The following HBB variants were observed in gnomAD, a reference collection of about 807,000 sequenced individuals.
HBB encodes the protein Hb Monza protein.
HBB carries 18 observed loss-of-function variants against 9.7 expected under a neutral mutation model. The ratio of observed to expected loss-of-function variants is 1.86; its 90% CI spans 1.28 to 2.76. HBB has a LOEUF of 2.76. Ranked by LOEUF, HBB falls within the 30% of genes most tolerant of loss-of-function variation. HBB has a pLI of 0.00. For missense variants in HBB, 156 were observed against 177.0 expected (o/e 0.88, Z 0.67); for synonymous variants, 99 against 73.6 (o/e 1.35, Z -1.77).
chr11:5,225,537 A>C lies in HBB; in HGVS notation c.*61T>G. On this transcript the variant is annotated 3_prime_UTR_variant, in exon 3 of 3. Coordinates refer to ENST00000335295, the MANE Select transcript of HBB (RefSeq NM_000518.5). Reference sequence around the variant, plus strand: ...GGCCCTTCATAATATCCCCCAGTTTAGTAGTTGGACTTAGGGAACAAAGGA... The same window carrying C: ...GGCCCTTCATAATATCCCCCAGTTTCGTAGTTGGACTTAGGGAACAAAGGA... 1 of 1,532,538 alleles carries C rather than the reference A, an allele frequency of 6.5e-7. No individual in the cohort carries two copies. The highest frequency in any genetic ancestry group is 9.0e-7 in the Non-Finnish European group (1 of 1,105,612). The allele number at this position is 1,532,538 out of a possible 1,614,324, so 94.9% of individuals were successfully genotyped here.
chr11:5,226,616 C>A lies in HBB; in HGVS notation c.276G>T (p.Leu92=). 1 of 1,614,114 alleles carries A rather than the reference C, an allele frequency of 6.2e-7. No individual in the cohort carries two copies. ...LKGTFATLSE[L]HCDKLHVDPE... ...GATCCACGTGCAGCTTGTCACAGTG[C>A]AGCTCACTCAGTGTGGCAAAGGTGC... Residue 92 remains leucine, a synonymous_variant, in exon 2 of 3, where the codon CTG becomes CTT. Coordinates refer to ENST00000335295, the MANE Select transcript of HBB (RefSeq NM_000518.5).
At position 5,226,906 on chromosome 11, in the gene HBB, C is replaced by G. The variant is rs1847578084; in HGVS notation, c.92+24G>C. On this transcript the variant is annotated intron_variant, in intron 1 of 2. Transcript: ENST00000335295. ...CCAGTTTCTATTGGTCTCCTTAAAC[C>G]TGTCTTGTAACCTTGATACCAACCT... The G allele has an allele frequency of 6.2e-7, 1 of 1,606,748 alleles. No homozygotes were observed. Among genetic ancestry groups the G allele is most frequent in the Non-Finnish European group, 8.5e-7 (1 of 1,173,292 alleles).
At position 5,226,658 on chromosome 11, in the gene HBB, G is replaced by T; in HGVS notation, c.234C>A (p.His78Gln). The change falls in exon 2 of 3, where the codon CAC becomes CAA. Residue 78 changes from histidine (H) to glutamine (Q), a missense_variant. Physicochemically the swap from His to Gln is conservative, Grantham distance 24. Transcript: ENST00000335295. Reference protein sequence around the residue: ...VLGAFSDGLAHLDNLKGTFAT... With the variant: ...VLGAFSDGLAQLDNLKGTFAT... ...CAAAGGTGCCCTTGAGGTTGTCCAG[G>T]TGAGCCAGGCCATCACTAAAGGCAC... 6.2e-7 allele frequency: 1 copy of T among 1,614,112 alleles called. No individual in the cohort carries two copies. The highest frequency in any genetic ancestry group is 1.1e-5 in the South Asian group (1 of 91,074).
rs1564874686 is a variant in HBB, at chr11:5,226,331, G to T, written c.315+246C>A. ...TCCTTTTGTTATACACAATGTTAAG[G>T]CATTAAGTATAATAGTAAAAATTGC... On this transcript the variant is annotated intron_variant, in intron 2 of 2. Coordinates refer to ENST00000335295, the MANE Select transcript of HBB (RefSeq NM_000518.5). 4 of 597,874 alleles carry T rather than the reference G, an allele frequency of 6.7e-6. No individual in the cohort carries two copies. The highest frequency in any genetic ancestry group is 4.1e-5 in the South Asian group (2 of 48,360). The allele number at this position is 597,874 out of a possible 1,614,324, so 37.0% of individuals were successfully genotyped here.
At chr11:5,226,279 A>T in intron 2 of HBB, 4 of 543,232 alleles carry the variant, frequency 7.4e-6, no homozygotes, top group East Asian at 3.1e-5. Context: ...TTTTTTTTTA[A>T]GTTACTTAAT....
chr11:5,225,874 C>G lies in HBB; in HGVS notation c.316-148G>C, dbSNP rs1847536038. The G allele has an allele frequency of 1.5e-5, 11 of 748,542 alleles. No individual in the cohort carries two copies. Among genetic ancestry groups the G allele is most frequent in the Non-Finnish European group, 2.5e-5 (11 of 435,598 alleles). 46.4% of individuals were successfully genotyped at this position (748,542 alleles called of 1,614,324 possible). On this transcript the variant is annotated intron_variant, in intron 2 of 2. Transcript: ENST00000335295. Reference sequence around the variant, plus strand: ...ATTAGCAATATGAAACCTCTTACATCAGTTACAATTTATATGCAGAAATAT... The same window carrying G: ...ATTAGCAATATGAAACCTCTTACATGAGTTACAATTTATATGCAGAAATAT...
chr11:5,226,976 A>AC lies in HBB; in HGVS notation c.45dup (p.Trp16ValfsTer8), dbSNP rs35383398. On this transcript the variant is annotated frameshift_variant, in exon 1 of 3. Coordinates refer to ENST00000335295, the MANE Select transcript of HBB (RefSeq NM_000518.5). LOFTEE classifies it high-confidence loss of function. ...ACTTCATCCACGTTCACCTTGCCCC[A>AC]CAGGGCAGTAACGGCAGACTTCTCC... The AC allele has an allele frequency of 6.2e-7, 1 of 1,613,616 alleles. No individual in the cohort carries two copies. Among genetic ancestry groups the AC allele is most frequent in the East Asian group, 2.2e-5 (1 of 44,876 alleles).
rs35532010 is a variant in HBB, at chr11:5,226,936, A to AG, written c.85dup (p.Leu29ProfsTer16). On this transcript the variant is annotated frameshift_variant, in exon 1 of 3. Transcript: ENST00000335295. LOFTEE classifies it high-confidence loss of function. ...TTGTAACCTTGATACCAACCTGCCC[A>AG]GGGCCTCACCACCAACTTCATCCAC... The AG allele has an allele frequency of 6.2e-7, 1 of 1,613,358 alleles. No individual in the cohort carries two copies. Among genetic ancestry groups the AG allele is most frequent in the East Asian group, 2.2e-5 (1 of 44,870 alleles).
In HBB at chr11:5,226,385, TAAAC is replaced by T. The variant is rs1240317854; in HGVS notation, c.315+188_315+191del. 2 of 631,068 alleles carry T rather than the reference TAAAC, an allele frequency of 3.2e-6. No homozygotes were observed. The highest frequency in any genetic ancestry group is 1.8e-5 in the African/African-American group (1 of 54,314). 39.1% of individuals were successfully genotyped at this position (631,068 alleles called of 1,614,324 possible). A position where few individuals can be genotyped will look rare whatever the true frequency, so the allele number is the denominator to read the frequency against. ...GAAGAAAAAAAAAGAAAGCAAGAAT[TAAAC>T]AAAAGAAAACAATTGTTATGAACAG... is the stretch of plus-strand genomic sequence containing the variant. On this transcript the variant is annotated intron_variant, in intron 2 of 2. Transcript: ENST00000335295.
rs193922555 is a variant in HBB, at chr11:5,226,640, GC to G, written c.251del (p.Gly84AlafsTer6). 1 of 1,614,162 alleles carries G rather than the reference GC, an allele frequency of 6.2e-7. No individual in the cohort carries two copies. Among genetic ancestry groups the G allele is most frequent in the South Asian group, 1.1e-5 (1 of 91,082 alleles). On this transcript the variant is annotated frameshift_variant, in exon 2 of 3. Transcript: ENST00000335295. LOFTEE classifies it high-confidence loss of function. ...GCAGCTCACTCAGTGTGGCAAAGGT[GC>G]CCTTGAGGTTGTCCAGGTGAGCCAG... ...DGLAHLDNLKGTFATLSELHC... is the reference protein window; with the variant it reads ...DGLAHLDNLKXTFATLSELHC...
rs2133587015 is a variant in HBB, at chr11:5,226,143, C to T, written c.316-417G>A. The T allele has an allele frequency of 3.5e-6, 1 of 288,294 alleles. No homozygotes were observed. The highest frequency in any genetic ancestry group is 4.6e-5 in the South Asian group (1 of 21,860). The allele number at this position is 288,294 out of a possible 1,614,324, so 17.9% of individuals were successfully genotyped here. A position where few individuals can be genotyped will look rare whatever the true frequency, so the allele number is the denominator to read the frequency against. ...CACATATTAAAACATTACACTTTAA[C>T]CCATAAATATGTATAATGATTATGT... is the stretch of plus-strand genomic sequence containing the variant. On this transcript the variant is annotated intron_variant, in intron 2 of 2. Transcript: ENST00000335295.
At position 5,225,697 on chromosome 11, in the gene HBB, C is replaced by T; in HGVS notation, c.345G>A (p.Leu115=). 3 of 1,614,036 alleles carry T rather than the reference C, an allele frequency of 1.9e-6. No individual in the cohort carries two copies. Among genetic ancestry groups the T allele is most frequent in the Non-Finnish European group, 2.5e-6 (3 of 1,179,946 alleles). ...TGAATTCTTTGCCAAAGTGATGGGCCAGCACACAGACCAGCACGTTGCCCA... is the reference window on the plus strand; with the variant it reads ...TGAATTCTTTGCCAAAGTGATGGGCTAGCACACAGACCAGCACGTTGCCCA... ...RLLGNVLVCV[L]AHHFGKEFTP... The change falls in exon 3 of 3, where the codon CTG becomes CTA. Residue 115 remains leucine, a synonymous_variant. Coordinates refer to ENST00000335295, the MANE Select transcript of HBB (RefSeq NM_000518.5).
Position 5,226,091 on chromosome 11 carries a change from A to G in HBB, c.316-365T>C, listed in dbSNP as rs1847540470. On this transcript the variant is annotated intron_variant, in intron 2 of 2. Coordinates refer to ENST00000335295, the MANE Select transcript of HBB (RefSeq NM_000518.5). ...CATTTTTTAAAATTACAAATGCAAAATTACCCTGATTTGGTCAATATGTGT... is the reference window on the plus strand; with the variant it reads ...CATTTTTTAAAATTACAAATGCAAAGTTACCCTGATTTGGTCAATATGTGT... Among the ~76,000 whole-genome samples, 1 of 152,198 alleles carries G rather than the reference A, an allele frequency of 6.6e-6. No individual in the cohort carries two copies. The highest frequency in any genetic ancestry group is 1.5e-5 in the Non-Finnish European group (1 of 68,036).
chr11:5,225,512 G>T lies in HBB; in HGVS notation c.*86C>A. 8.2e-7 allele frequency: 1 copy of T among 1,224,524 alleles called. No homozygotes were observed. Among genetic ancestry groups the T allele is most frequent in the Non-Finnish European group, 1.2e-6 (1 of 824,164 alleles). The allele number at this position is 1,224,524 out of a possible 1,614,324, so 75.9% of individuals were successfully genotyped here. ...TATTAGGCAGAATCCAGATGCTCAA[G>T]GCCCTTCATAATATCCCCCAGTTTA... On this transcript the variant is annotated 3_prime_UTR_variant, in exon 3 of 3. Transcript: ENST00000335295.
At position 5,225,888 on chromosome 11, in the gene HBB, A is replaced by G. The variant is rs1022352464; in HGVS notation, c.316-162T>C. ...ACCTCTTACATCAGTTACAATTTAT[A>G]TGCAGAAATATTTATATGCAGAGAT... is the stretch of plus-strand genomic sequence containing the variant. On this transcript the variant is annotated intron_variant, in intron 2 of 2. Transcript: ENST00000335295. Among the ~76,000 whole-genome samples, 1 of 152,206 alleles carries G rather than the reference A, an allele frequency of 6.6e-6. No individual in the cohort carries two copies. The highest frequency in any genetic ancestry group is 6.5e-5 in the Admixed American group (1 of 15,280).
chr11:5,225,826 A>G (rs1847534694), intron 2 of HBB, 100 bp from the exon 3 acceptor site: 5 of 1,231,064 alleles, frequency 4.1e-6, no homozygotes, highest in African/African-American at 1.5e-5. Context: ...TAAAAGCAGA[A>G]TGGTAGCTGG....
At position 5,226,644 on chromosome 11, in the gene HBB, T is replaced by C. The variant is rs33987903; in HGVS notation, c.248A>G (p.Lys83Arg). ...SDGLAHLDNLKGTFATLSELH... is the reference protein window; with the variant it reads ...SDGLAHLDNLRGTFATLSELH... ...CTCACTCAGTGTGGCAAAGGTGCCC[T>C]TGAGGTTGTCCAGGTGAGCCAGGCC... Residue 83 changes from lysine to arginine, a missense_variant, in exon 2 of 3, where the codon AAG becomes AGG. Lys to Arg is a conservative substitution (Grantham distance 26). Coordinates refer to ENST00000335295, the MANE Select transcript of HBB (RefSeq NM_000518.5). The C allele has an allele frequency of 1.1e-5, 17 of 1,614,150 alleles. No homozygotes were observed. The highest frequency in any genetic ancestry group is 1.4e-5 in the Non-Finnish European group (17 of 1,180,036).
Position 5,226,817 on chromosome 11 carries a change from G to C in HBB, c.93-18C>G. 1 of 1,610,424 alleles carries C rather than the reference G, an allele frequency of 6.2e-7. No homozygotes were observed. The highest frequency in any genetic ancestry group is 8.5e-7 in the Non-Finnish European group (1 of 1,176,698). On this transcript the variant is annotated intron_variant, in intron 1 of 2. Coordinates refer to ENST00000335295, the MANE Select transcript of HBB (RefSeq NM_000518.5). ...CCAGCAGCCTAAGGGTGGGAAAATA[G>C]ACCAATAGGCAGAGAGAGTCAGTGC...
rs770878031 is a variant in HBB, at chr11:5,226,703, A to G, written c.189T>C (p.Ala63=). 1 of 1,614,094 alleles carries G rather than the reference A, an allele frequency of 6.2e-7. No homozygotes were observed. The highest frequency in any genetic ancestry group is 2.2e-5 in the East Asian group (1 of 44,866). The part of the protein sequence containing the change: ...DAVMGNPKVK[A]HGKKVLGAFS... ...AGGCACCGAGCACTTTCTTGCCATG[A>G]GCCTTCACCTTAGGGTTGCCCATAA... is the stretch of plus-strand genomic sequence containing the variant. The change falls in exon 2 of 3, where the codon GCT becomes GCC. Residue 63 remains alanine (A), a synonymous_variant. Coordinates refer to ENST00000335295, the MANE Select transcript of HBB (RefSeq NM_000518.5).
Sources: allele counts gnomAD v4.1 joint callset (sites outside exome capture counted in the v4.1 genomes callset), GRCh38; gene constraint gnomAD v4.1.1; transcripts MANE v1.5; gene names NCBI Gene and HGNC (gene_info 2026-07-23, HGNC 2026-07-21).